The following PTGES2 variants were observed in gnomAD, a reference collection of about 807,000 sequenced individuals.
PTGES2 encodes GATE-binding factor 1.
A neutral mutation model predicts 44.5 loss-of-function variants in PTGES2; 35 were observed. The ratio of observed to expected loss-of-function variants is 0.79; its 90% confidence interval spans 0.60 to 1.04. PTGES2 has a LOEUF of 1.04. Among genes scored for constraint, PTGES2 ranks in the 50% least tolerant of loss-of-function variants. The pLI is 0.00. For synonymous variants in PTGES2, 221 were observed against 227.5 expected, an observed-to-expected ratio of 0.97 and a Z score of 0.26; for missense variants, 517 against 521.4, an observed-to-expected ratio of 0.99 and a Z score of 0.08.
At chr9:128,127,332 G>C (rs1025753122) in intron 1 of PTGES2, 107 bp downstream of exon 1, 4 of 1,032,586 alleles carry the variant, frequency 3.9e-6, no homozygotes, top group South Asian at 9.2e-5. Context: ...CAAGTCACTC[G>C]CCCAAGGTCA....
chr9:128,123,447 T>C lies in PTGES2; in HGVS notation c.686+255A>G, dbSNP rs1200080851. ...TTTTTATAGAGATGGGGTTTTGCCA[T>C]GTTGGCCAGGCTGGTCTTGAACTCC... On this transcript the variant is annotated intron_variant, in intron 4 of 6. Coordinates refer to ENST00000338961, the MANE Select transcript of PTGES2 (RefSeq NM_025072.7). This position sits in a 1 kb window ranked among gnomAD's most constrained non-coding sequence, Gnocchi z 4.4. 6.6e-6 allele frequency among the ~76,000 whole-genome samples: 1 copy of C among 152,118 alleles called. No homozygotes were observed. Among genetic ancestry groups the C allele is most frequent in the African/African-American group, 2.4e-5 (1 of 41,420 alleles).
At position 128,122,497 on chromosome 9, in the gene PTGES2, A is replaced by G. The variant is rs1176264437; in HGVS notation, c.888-18T>C. ...GGCGGTGCCTGGGCGGGGAAGGGAA[A>G]AGCCCCTCAGGGGAGCCCCCACTCC... On this transcript the variant is annotated intron_variant, in intron 5 of 6. Transcript: ENST00000338961. 6.2e-7 allele frequency: 1 copy of G among 1,606,792 alleles called. No individual in the cohort carries two copies. Among genetic ancestry groups the G allele is most frequent in the Non-Finnish European group, 8.5e-7 (1 of 1,173,854 alleles).
chr9:128,128,123 G>A (rs933258402), upstream of PTGES2: 2 of 364,406 alleles, frequency 5.5e-6, no homozygotes, highest in African/African-American at 2.2e-5. Context: ...TACAGGCGCC[G>A]CGACTTCCGG....
chr9:128,125,468 C>A (rs1427645012), intron 1 of PTGES2, 27 bp from the exon 2 acceptor site: 1 of 1,610,966 alleles, frequency 6.2e-7, no homozygotes, highest in Non-Finnish European at 8.5e-7. Flanking sequence ...GAAAAGGCTT[C>A]TAGACCTGGC....
chr9:128,122,408 T>C lies in PTGES2; in HGVS notation c.959A>G (p.Lys320Arg). The change falls in exon 6 of 7, where the codon AAG becomes AGG. Residue 320 changes from lysine to arginine, a missense_variant. Physicochemically the swap from Lys to Arg is conservative, Grantham distance 26. Transcript: ENST00000338961. Reference sequence around the variant, plus strand: ...CTGGCCCCCCATGAAGGGCCGGTCCTTGCCCACAGCAGCCACCCACTTGTC... The same window carrying C: ...CTGGCCCCCCATGAAGGGCCGGTCCCTGCCCACAGCAGCCACCCACTTGTC... ...AADKWVAAVG[K>R]DRPFMGGQKP... 6.2e-7 allele frequency: 1 copy of C among 1,614,214 alleles called. No homozygotes were observed. Among genetic ancestry groups the C allele is most frequent in the Non-Finnish European group, 8.5e-7 (1 of 1,180,028 alleles).
chr9:128,127,445 G>C lies in PTGES2; in HGVS notation c.273C>G (p.Ala91=). 1.5e-6 allele frequency: 2 copies of C among 1,378,136 alleles called. No homozygotes were observed. Among genetic ancestry groups the C allele is most frequent in the Middle Eastern group, 1.9e-4 (1 of 5,188 alleles). 85.4% of individuals were successfully genotyped at this position (1,378,136 alleles called of 1,614,324 possible). Residue 91 remains alanine, a synonymous_variant, in exon 1 of 7, where the codon GCC becomes GCG. Transcript: ENST00000338961. The part of the protein sequence containing the change: ...RAQDLHAERS[A]AQLSLSSRLQ... ...CGGCCGGGCCAGGCCTTACCTGCGCGGCTGAGCGCTCTGCGTGGAGGTCCT... is the reference window on the plus strand; with the variant it reads ...CGGCCGGGCCAGGCCTTACCTGCGCCGCTGAGCGCTCTGCGTGGAGGTCCT...
chr9:128,126,207 T>G (rs1181555089), intron 1 of PTGES2, among the ~76,000 whole-genome samples: 1 of 152,284 alleles, frequency 6.6e-6, no homozygotes, highest in South Asian at 2.1e-4. Context: ...AGACACAGAG[T>G]ACTCCATGCC....
upstream of PTGES2, chr9:128,128,248 C>G (rs1834730358): frequency 2.2e-6 from 1 of 451,892 alleles, no homozygotes; most frequent in Non-Finnish European, 4.4e-6. Flanking sequence ...TTTCCCGAAC[C>G]CGAAGGGGCC....
rs1287553864 is a variant in PTGES2, at chr9:128,123,278, G to A, written c.687-144C>T. On this transcript the variant is annotated intron_variant, in intron 4 of 6. Coordinates refer to ENST00000338961, the MANE Select transcript of PTGES2 (RefSeq NM_025072.7). The surrounding 1 kb of genome is among the most constrained non-coding windows in gnomAD (Gnocchi z 4.4). ...TTTTTTTTTTTTGAGACAAAGTCTC[G>A]CTCTGTCACCCAGGCTGGAGTGCAA... The A allele has an allele frequency of 1.2e-5, 9 of 740,538 alleles. No homozygotes were observed. The highest frequency in any genetic ancestry group is 5.6e-5 in the South Asian group (3 of 53,322). 45.9% of individuals were successfully genotyped at this position (740,538 alleles called of 1,614,324 possible).
chr9:128,123,033 T>C lies in PTGES2; in HGVS notation c.788A>G (p.Tyr263Cys). 1 of 1,613,864 alleles carries C rather than the reference T, an allele frequency of 6.2e-7. No homozygotes were observed. The highest frequency in any genetic ancestry group is 8.5e-7 in the Non-Finnish European group (1 of 1,180,022). ...TCCGAACTTGCCCTCGCGGACAATG[T>C]AGTCAAAGGACGCCAGAGCCTCGGT... ...TPTEALASFD[Y>C]IVREGKFGAV... The change falls in exon 5 of 7, where the codon TAC becomes TGC. Residue 263 changes from tyrosine to cysteine, a missense_variant. Coordinates refer to ENST00000338961, the MANE Select transcript of PTGES2 (RefSeq NM_025072.7). The surrounding 1 kb of genome is among the most constrained non-coding windows in gnomAD (Gnocchi z 4.4).
intron 5 of PTGES2, 70 bp downstream of exon 5, chr9:128,122,864 A>C: frequency 6.5e-7 from 1 of 1,531,380 alleles, no homozygotes. Flanking sequence ...GAGGGGTGTG[A>C]TGGGATCACC....
chr9:128,128,138 T>G, upstream of PTGES2: 1 of 353,566 alleles, frequency 2.8e-6, no homozygotes, highest in South Asian at 2.1e-5. Flanking sequence ...TTCCGGCCAC[T>G]GAAAGCCCCG....
rs1199553182 is a variant in PTGES2 at position 128,121,169 on chromosome 9, G to C, written c.1110C>G (p.Ile370Met). ...QPWYLRVERAITEASPAH is the reference protein window; with the variant it reads ...QPWYLRVERAMTEASPAH ...TTCAGTGCGCTGGGGAGGCCTCGGTGATGGCCCTCTCCACCCGCAGGTACC... is the reference window on the plus strand; with the variant it reads ...TTCAGTGCGCTGGGGAGGCCTCGGTCATGGCCCTCTCCACCCGCAGGTACC... The change falls in exon 7 of 7, where the codon ATC becomes ATG. Residue 370 changes from isoleucine (I) to methionine (M), a missense_variant. By Grantham distance (10) the Ile-to-Met change is conservative. Transcript: ENST00000338961. The C allele has an allele frequency of 1.3e-6, 2 of 1,591,258 alleles. No homozygotes were observed. Among genetic ancestry groups the C allele is most frequent in the African/African-American group, 2.7e-5 (2 of 74,514 alleles).
chr9:128,122,515 C>A, intron 5 of PTGES2, 36 bp from the exon 6 acceptor site: 1 of 1,573,176 alleles, frequency 6.4e-7, no homozygotes. Flanking sequence ...CAGGGGAGCC[C>A]CCACTCCCAG....
At chr9:128,124,954 G>T in intron 2 of PTGES2, 1 of 962,550 alleles carries the variant, frequency 1.0e-6, no homozygotes, top group Non-Finnish European at 1.4e-6. Flanking sequence ...AAGTCACACA[G>T]CTAGTGAGTG....
At chr9:128,127,391 A>C in intron 1 of PTGES2, 48 bp downstream of exon 1, 1 of 1,319,348 alleles carries the variant, frequency 7.6e-7, no homozygotes, top group Non-Finnish European at 9.7e-7. Context: ...AGGAGTCCCG[A>C]GTTCGGCGCT....
At position 128,124,556 on chromosome 9, in the gene PTGES2, A is replaced by T. The variant is rs772136948; in HGVS notation, c.478-6T>A. 1.9e-6 allele frequency: 3 copies of T among 1,612,596 alleles called. No individual in the cohort carries two copies. Among genetic ancestry groups the T allele is most frequent in the Non-Finnish European group, 2.5e-6 (3 of 1,179,090 alleles). On this transcript the variant is annotated splice_polypyrimidine_tract_variant and splice_region_variant and intron_variant, in intron 2 of 6. Transcript: ENST00000338961. ...GAGGAGTCATTTAGTTGTTGCTGGA[A>T]GAGAAAAGGGTGGTTTAATCAGAGG...
intron 3 of PTGES2, chr9:128,124,281 G>A (rs1834535635): frequency 2.3e-6 from 1 of 434,946 alleles, no homozygotes; most frequent in Non-Finnish European, 4.3e-6. Context: ...ATGGAGCTTC[G>A]CCATGTTGGC....
In PTGES2 at chr9:128,127,491, G is replaced by A. The variant is rs374231300; in HGVS notation, c.227C>T (p.Ala76Val). Residue 76 changes from alanine (A) to valine (V), a missense_variant, in exon 1 of 7, where the codon GCG becomes GTG. Ala to Val is a moderately conservative substitution (Grantham distance 64, BLOSUM62 0). Transcript: ENST00000338961. ...GTCCTGGGCGCGCAGGTGCCACCGC[G>A]CCGTGTGGTACAGCCCCAGGGCTCC... ...LGGALGLYHTARWHLRAQDLH... is the reference protein window; with the variant it reads ...LGGALGLYHTVRWHLRAQDLH... The A allele has an allele frequency of 4.3e-6, 6 of 1,400,140 alleles. No individual in the cohort carries two copies. The highest frequency in any genetic ancestry group is 5.6e-6 in the Non-Finnish European group (6 of 1,073,130). 86.7% of individuals were successfully genotyped at this position (1,400,140 alleles called of 1,614,324 possible).
Sources: allele counts gnomAD v4.1 joint callset (sites outside exome capture counted in the v4.1 genomes callset), GRCh38; gene constraint gnomAD v4.1.1; non-coding constraint Gnocchi (gnomAD v3.1); transcripts MANE v1.5; gene names NCBI Gene and HGNC (gene_info 2026-07-23, HGNC 2026-07-21).